ARID1B: variants seen among roughly 807,000 people sequenced by gnomAD.
The protein encoded by ARID1B is AT-rich interactive domain-containing protein 1B.
Under a neutral mutation model 212.3 loss-of-function variants are expected in ARID1B, and 30 were observed. That is an observed-to-expected ratio of 0.14 (90% CI 0.11 to 0.19). ARID1B has a LOEUF of 0.19. ARID1B is among the 10% of genes least tolerant of loss of function. ARID1B has a pLI of 1.00. For missense variants in ARID1B, 2,891 were observed against 3,204.0 expected (o/e 0.90, Z 2.36); for synonymous variants, 1,402 against 1,301.7 (o/e 1.08, Z -1.66).
Position 157,039,638 on chromosome 6 carries a change from CTTCCTTCT to C in ARID1B, c.2248-45016_2248-45009del, listed in dbSNP as rs1159379441. Among the ~76,000 whole-genome samples the C allele has an allele frequency of 1.2e-3, 140 of 119,432 alleles. 1 individual carries two copies. Among genetic ancestry groups the C allele is most frequent in the African/African-American group, 2.4e-3 (71 of 29,266 alleles). The allele number at this position is 119,432 out of a possible 152,430, so 78.4% of individuals were successfully genotyped here. Reference sequence around the variant, plus strand: ...CCTACCTTCCTTCCTTCCTTCCTTCCTTCCTTCTTTCCTTCCTTCCTTCCTTCCTTCCT... The same window carrying C: ...CCTACCTTCCTTCCTTCCTTCCTTCCTTCCTTCCTTCCTTCCTTCCTTCCT... On this transcript the variant is annotated intron_variant, in intron 4 of 19. Coordinates refer to ENST00000636930, the MANE Select transcript of ARID1B (RefSeq NM_001374828.1).
chr6:157,178,315 C>G (rs1338878164), intron 11 of ARID1B, among the ~76,000 whole-genome samples: 1 of 152,164 alleles, frequency 6.6e-6, no homozygotes, highest in Non-Finnish European at 1.5e-5. Flanking sequence ...TGCAGAGCAC[C>G]ACGCTAAGTG....
intron 8 of ARID1B, among the ~76,000 whole-genome samples, chr6:157,161,454 T>TATATATATATATATATA (rs1790939734): frequency 2.0e-5 from 3 of 149,220 alleles, no homozygotes; most frequent in Non-Finnish European, 3.0e-5. Flanking sequence ...TATATATATA[T>TATATATATATATATATA]TTTGGCGGGG....
intron 4 of ARID1B, chr6:156,936,680 GAATA>G (rs1208340764): frequency 3.0e-5 from 4 of 133,098 alleles, no homozygotes; most frequent in Admixed American, 7.4e-5. Context: ...AAAAAAAAAA[GAATA>G]AATCTATACC....
chr6:156,982,373 G>A (rs113355343), intron 4 of ARID1B, among the ~76,000 whole-genome samples: 22 of 149,352 alleles, frequency 1.5e-4, no homozygotes, highest in African/African-American at 5.2e-4. Flanking sequence ...CCTGGAAACT[G>A]TTAGGGTTTT....
Position 156,944,801 on chromosome 6 carries a change from A to G in ARID1B, c.2247+9225A>G, listed in dbSNP as rs184655239. 2.5e-3 allele frequency among the ~76,000 whole-genome samples: 375 copies of G among 152,354 alleles called. 7 individuals carry two copies. The highest frequency in any genetic ancestry group is 0.022 in the Admixed American group (332 of 15,312). ...TTAAACCGAGATTGACATGAATGGA[A>G]GTAGTAGCAACCCAGAGACATGAAA... is the stretch of plus-strand genomic sequence containing the variant. On this transcript the variant is annotated intron_variant, in intron 4 of 19. Coordinates refer to ENST00000636930, the MANE Select transcript of ARID1B (RefSeq NM_001374828.1).
intron 5 of ARID1B, chr6:157,107,894 TG>T (rs1159452043): frequency 4.6e-5 from 7 of 152,186 alleles, no homozygotes; most frequent in African/African-American, 1.7e-4. Flanking sequence ...TGAATTCGGT[TG>T]GTTCGGAGGG....
intron 4 of ARID1B, among the ~76,000 whole-genome samples, chr6:156,945,022 C>T (rs1172572583): frequency 6.7e-6 from 1 of 150,232 alleles, no homozygotes; most frequent in African/African-American, 2.4e-5. Context: ...TCCCAGGTTC[C>T]TGCCATTCTC....
At chr6:157,103,977 A>G (rs527529336) in intron 5 of ARID1B, among the ~76,000 whole-genome samples, 35 of 152,064 alleles carry the variant, frequency 2.3e-4, no homozygotes, top group Admixed American at 7.2e-4. Flanking sequence ...CTGGGATTAC[A>G]GGCACCTGCC....
chr6:156,842,085 T>C (rs1259430664), intron 2 of ARID1B, among the ~76,000 whole-genome samples: 1 of 152,244 alleles, frequency 6.6e-6, no homozygotes, highest in Non-Finnish European at 1.5e-5. Flanking sequence ...TGTTACCTAC[T>C]ACGTCTATCA....
intron 7 of ARID1B, among the ~76,000 whole-genome samples, chr6:157,133,436 G>A (rs531232118): frequency 6.6e-6 from 1 of 152,336 alleles, no homozygotes; most frequent in South Asian, 2.1e-4. Context: ...CACTTGGGTA[G>A]GTGCTCATCA....
At chr6:156,989,439 A>C (rs1422355341) in intron 4 of ARID1B, among the ~76,000 whole-genome samples, 1 of 152,252 alleles carries the variant, frequency 6.6e-6, no homozygotes, top group Non-Finnish European at 1.5e-5. Flanking sequence ...ATCTTCAAAA[A>C]GTTTTGGGAA....
intron 1 of ARID1B, among the ~76,000 whole-genome samples, chr6:156,801,729 CAT>C (rs1243372015): frequency 6.6e-6 from 1 of 151,950 alleles, no homozygotes; most frequent in Middle Eastern, 3.2e-3. Context: ...TGGAACCAAA[CAT>C]GTGGAAGGCT....
chr6:157,090,457 G>A (rs1785206895), intron 5 of ARID1B, among the ~76,000 whole-genome samples: 1 of 152,162 alleles, frequency 6.6e-6, no homozygotes, highest in Non-Finnish European at 1.5e-5. Context: ...ACTTTGATCT[G>A]GCAGCAGAAG....
Position 156,818,559 on chromosome 6 carries a change from GTAT to G in ARID1B, c.1792-10660_1792-10658del, listed in dbSNP as rs144872290. ...TCTTTTGAATGGTTGTCTGAGGGAGGTATTATTATTTTTACTTGAGAGGTGGGG... is the reference window on the plus strand; with the variant it reads ...TCTTTTGAATGGTTGTCTGAGGGAGGTATTATTTTTACTTGAGAGGTGGGG... On this transcript the variant is annotated intron_variant, in intron 1 of 19. Transcript: ENST00000636930. Among the ~76,000 whole-genome samples the G allele has an allele frequency of 7.7e-3, 1,165 of 152,168 alleles. 16 individuals carry two copies. The highest frequency in any genetic ancestry group is 0.026 in the African/African-American group (1,087 of 41,500).
chr6:157,151,075 C>A (rs1790164306), intron 8 of ARID1B: 2 of 154,948 alleles, frequency 1.3e-5, no homozygotes, highest in Admixed American at 6.5e-5. Flanking sequence ...CGGTGGAAAC[C>A]CGCATGCGTC....
chr6:156,995,446 C>A (rs1778530954), intron 4 of ARID1B, among the ~76,000 whole-genome samples: 1 of 152,188 alleles, frequency 6.6e-6, no homozygotes, highest in Admixed American at 6.5e-5. Context: ...TTTGGTAACT[C>A]TTCTGAGCAG....
rs762153671 is a variant in ARID1B at position 157,184,358 on chromosome 6, G to A, written c.3842G>A (p.Arg1281His). Reference protein sequence around the residue: ...YLFAFECKIERGEEPPPEVFS... With the variant: ...YLFAFECKIEHGEEPPPEVFS... ...TTTGCCTTTGAGTGCAAGATCGAAC[G>A]TGGGGAGGAGCCCCCGCCGGAAGTC... Residue 1281 changes from arginine to histidine, a missense_variant, in exon 13 of 20, where the codon CGT becomes CAT. Physicochemically the swap from Arg to His is conservative, Grantham distance 29. Transcript: ENST00000636930. The A allele has an allele frequency of 1.4e-5, 22 of 1,614,074 alleles. No individual in the cohort carries two copies. The highest frequency in any genetic ancestry group is 4.5e-5 in the East Asian group (2 of 44,888).
intron 5 of ARID1B, among the ~76,000 whole-genome samples, chr6:157,091,193 A>G (rs1785255287): frequency 6.6e-6 from 1 of 152,186 alleles, no homozygotes; most frequent in Non-Finnish European, 1.5e-5. Flanking sequence ...GGCCATTCCT[A>G]GAGGGCGAGA....
At chr6:157,082,871 A>C (rs1784725224) in intron 4 of ARID1B, among the ~76,000 whole-genome samples, 1 of 152,238 alleles carries the variant, frequency 6.6e-6, no homozygotes, top group Admixed American at 6.5e-5. Flanking sequence ...TCTTCTTAGC[A>C]GAAGACATTT....
Sources: gnomAD v4.1 joint callset for allele counts (sites outside exome capture counted in the v4.1 genomes callset) on GRCh38, gnomAD v4.1.1 for gene constraint, MANE v1.5 for transcripts, NCBI Gene and HGNC (gene_info 2026-07-23, HGNC 2026-07-21) for gene names.